The following OTOGL variants were observed in gnomAD, a reference collection of about 807,000 sequenced individuals.
OTOGL encodes otogelin like.
In OTOGL, 285 loss-of-function variants were observed where a neutral mutation model predicts 318.5. The ratio of observed to expected loss-of-function variants is 0.89; its 90% CI spans 0.81 to 0.99. The LOEUF is 0.99. Ranked by LOEUF, OTOGL falls within the 50% of genes least tolerant of loss-of-function variation. OTOGL has a pLI of 0.00. For synonymous variants in OTOGL, 987 were observed against 936.5 expected (o/e 1.05, Z -0.99); for missense variants, 2,899 against 2,845.6 (o/e 1.02, Z -0.43).
intron 19 of OTOGL, among the ~76,000 whole-genome samples, chr12:80,264,341 C>T (rs930656563): frequency 6.6e-6 from 1 of 152,284 alleles, no homozygotes; most frequent in East Asian, 1.9e-4. Flanking sequence ...GTCCTCCCCT[C>T]CCCAGGTGAT....
chr12:80,320,734 A>G, intron 34 of OTOGL, 34 bp downstream of exon 34: 1 of 1,514,390 alleles, frequency 6.6e-7, no homozygotes, highest in African/African-American at 1.4e-5. Context: ...AAGAGAACAA[A>G]TAGGTAATTT....
chr12:80,158,709 T>G (rs1230725407), intron 1 of OTOGL, among the ~76,000 whole-genome samples: 1 of 152,084 alleles, frequency 6.6e-6, no homozygotes, highest in Admixed American at 6.6e-5. Context: ...CTGAATTCAT[T>G]TATCAGTTCT....
At chr12:80,156,484 G>A (rs538464609) in intron 1 of OTOGL, among the ~76,000 whole-genome samples, 24 of 152,240 alleles carry the variant, frequency 1.6e-4, no homozygotes, top group African/African-American at 5.5e-4. Flanking sequence ...TCTGTTGATG[G>A]ACACTGATAT....
intron 45 of OTOGL, among the ~76,000 whole-genome samples, chr12:80,352,825 G>A (rs1889636251): frequency 6.6e-6 from 1 of 152,136 alleles, no homozygotes; most frequent in South Asian, 2.1e-4. Context: ...TACATTCATT[G>A]ACAATCCACA....
chr12:80,184,564 A>G (rs1341835400), intron 1 of OTOGL, among the ~76,000 whole-genome samples: 1 of 152,178 alleles, frequency 6.6e-6, no homozygotes, highest in African/African-American at 2.4e-5. Flanking sequence ...AAGATTCTTA[A>G]GGCTGGGAGG....
intron 1 of OTOGL, among the ~76,000 whole-genome samples, chr12:80,204,065 A>T (rs1236358560): frequency 6.6e-6 from 1 of 152,156 alleles, no homozygotes; most frequent in Admixed American, 6.5e-5. Flanking sequence ...ACAATTTTGC[A>T]TGTAACTCAG....
In OTOGL at chr12:80,239,386, T is replaced by C. The variant is rs761841604; in HGVS notation, c.999T>C (p.His333=). ...ILLQFPFLSC[H]EYIDPYLYIA... is the part of the protein sequence containing the mutation. Reference sequence around the variant, plus strand: ...TGCAGTTTCCTTTTCTGAGCTGCCATGAGTATATCGATCCATACTTATATA... The same window carrying C: ...TGCAGTTTCCTTTTCTGAGCTGCCACGAGTATATCGATCCATACTTATATA... The change falls in exon 11 of 59, where the codon CAT becomes CAC. Residue 333 remains histidine, a synonymous_variant. Transcript: ENST00000547103. 11 of 1,611,040 alleles carry C rather than the reference T, an allele frequency of 6.8e-6. No homozygotes were observed. In the Admixed American group the frequency reaches 1.8e-4, roughly 27 times the overall value.
At chr12:80,222,480 C>A (rs1878445562) in intron 7 of OTOGL, among the ~76,000 whole-genome samples, 1 of 152,058 alleles carries the variant, frequency 6.6e-6, no homozygotes, top group Admixed American at 6.5e-5. Context: ...TCAGTATGAA[C>A]CAGAGGCTAA....
chr12:80,217,589 C>A lies in OTOGL; in HGVS notation c.169-9C>A. ...AACTGTATTGCATTCTCATTTCTTT[C>A]TTTCAAAGTTTGAAGCTACTTCTCC... On this transcript the variant is annotated splice_polypyrimidine_tract_variant and intron_variant, in intron 4 of 58. Coordinates refer to ENST00000547103, the MANE Select transcript of OTOGL (RefSeq NM_001378609.3). The A allele has an allele frequency of 1.3e-6, 2 of 1,514,390 alleles. No homozygotes were observed. The highest frequency in any genetic ancestry group is 1.4e-5 in the African/African-American group (1 of 73,414). The allele number at this position is 1,514,390 out of a possible 1,614,324, so 93.8% of individuals were successfully genotyped here.
At chr12:80,237,813 T>C (rs1054778828) in intron 9 of OTOGL, among the ~76,000 whole-genome samples, 1 of 152,196 alleles carries the variant, frequency 6.6e-6, no homozygotes, top group African/African-American at 2.4e-5. Context: ...TTTGAAGATA[T>C]TCAGAGAGAG....
At chr12:80,263,932 T>C (rs1044026396) in intron 19 of OTOGL, among the ~76,000 whole-genome samples, 17 of 152,250 alleles carry the variant, frequency 1.1e-4, no homozygotes, top group Admixed American at 3.9e-4. Context: ...GTAAACAGTA[T>C]ACTGCTATAG....
chr12:80,176,628 T>A (rs898972325), intron 1 of OTOGL, among the ~76,000 whole-genome samples: 3 of 152,190 alleles, frequency 2.0e-5, no homozygotes, highest in Admixed American at 2.0e-4. Flanking sequence ...TACTTCAATT[T>A]GTTGATCCAG....
chr12:80,230,879 C>T (rs1325250746), intron 8 of OTOGL, among the ~76,000 whole-genome samples: 1 of 152,192 alleles, frequency 6.6e-6, no homozygotes, highest in Non-Finnish European at 1.5e-5. Context: ...TTTAGGTTTA[C>T]ATTTTAATGT....
Position 80,254,538 on chromosome 12 carries a change from G to A in OTOGL, c.1409G>A (p.Gly470Glu). The A allele has an allele frequency of 6.2e-7, 1 of 1,607,700 alleles. No homozygotes were observed. Among genetic ancestry groups the A allele is most frequent in the South Asian group, 1.1e-5 (1 of 90,340 alleles). ...QECTECVCVG[G>E]VWNCTEQDCP... Reference sequence around the variant, plus strand: ...ATTTCTTTTAGTGTGTGTGTTGGTGGAGTTTGGAACTGCACTGAGCAAGAC... The same window carrying A: ...ATTTCTTTTAGTGTGTGTGTTGGTGAAGTTTGGAACTGCACTGAGCAAGAC... The change falls in exon 15 of 59, where the codon GGA (glycine) becomes GAA (glutamate). Residue 470 changes from glycine (G) to glutamate (E), a missense_variant. By Grantham distance (98) the Gly-to-Glu change is moderately conservative. Coordinates refer to ENST00000547103, the MANE Select transcript of OTOGL (RefSeq NM_001378609.3).
At chr12:80,108,615 C>A (rs1869597290) in intron 1 of OTOGL, among the ~76,000 whole-genome samples, 2 of 151,184 alleles carry the variant, frequency 1.3e-5, no homozygotes, top group African/African-American at 2.4e-5. Flanking sequence ...CTTTTAGCAT[C>A]CATTGATGAC....
chr12:80,298,255 G>A (rs1050489619), intron 27 of OTOGL, among the ~76,000 whole-genome samples: 1 of 152,076 alleles, frequency 6.6e-6, no homozygotes, highest in Admixed American at 6.5e-5. Flanking sequence ...AGGATAATAT[G>A]GGAACTCCTG....
At position 80,129,767 on chromosome 12, in the gene OTOGL, A is replaced by G. The variant is rs572581871; in HGVS notation, c.-20+30162A>G. Among the ~76,000 whole-genome samples, 3 of 152,292 alleles carry G rather than the reference A, an allele frequency of 2.0e-5. No homozygotes were observed. The East Asian group carries it at 5.8e-4, about 29-fold the overall frequency. ...TATTCATAGTCACCTGTGACCTTTT[A>G]GAAAACAAATCTAAAAACTTTTTTT... On this transcript the variant is annotated intron_variant, in intron 1 of 58. Transcript: ENST00000547103.
chr12:80,373,702 T>A (rs955191056), intron 57 of OTOGL, among the ~76,000 whole-genome samples: 1 of 151,386 alleles, frequency 6.6e-6, no homozygotes, highest in Non-Finnish European at 1.5e-5. Flanking sequence ...TATTATAATT[T>A]ATTACCACCA....
chr12:80,124,804 T>A (rs1206719435), intron 1 of OTOGL, among the ~76,000 whole-genome samples: 2 of 152,156 alleles, frequency 1.3e-5, no homozygotes, highest in East Asian at 3.8e-4. Context: ...GAAGCAATTG[T>A]GAATGGGAGT....
Sources: gnomAD v4.1 joint callset for allele counts (sites outside exome capture counted in the v4.1 genomes callset) on GRCh38, gnomAD v4.1.1 for gene constraint, MANE v1.5 for transcripts, NCBI Gene and HGNC (gene_info 2026-07-23, HGNC 2026-07-21) for gene names.